The following KICS2 variants were observed in gnomAD, a reference collection of about 807,000 sequenced individuals.
KICS2 encodes KICSTOR subunit 2.
KICS2 carries 13 observed loss-of-function variants against 31.4 expected under a neutral mutation model. That is an observed-to-expected ratio of 0.41 (90% CI 0.27 to 0.66). The LOEUF (loss-of-function observed/expected upper bound fraction) is 0.66, where lower values mean the gene tolerates loss of function less well. Ranked by LOEUF, KICS2 falls within the 30% of genes least tolerant of loss-of-function variation. The pLI, the probability that KICS2 is intolerant of heterozygous loss-of-function variation, is 0.28. For synonymous variants in KICS2, 209 were observed against 214.8 expected (o/e 0.97, Z 0.24); for missense variants, 455 against 545.4 (o/e 0.83, Z 1.65).
rs1592391995 is a variant in KICS2 at position 64,221,886 on chromosome 12, C to T, written c.235+117G>A. 9 of 1,143,714 alleles carry T rather than the reference C, an allele frequency of 7.9e-6. No individual in the cohort carries two copies. In the South Asian group the frequency reaches 9.5e-5, roughly 12 times the overall value. 70.8% of individuals were successfully genotyped at this position (1,143,714 alleles called of 1,614,324 possible). A position where few individuals can be genotyped will look rare whatever the true frequency, so the allele number is the denominator to read the frequency against. ...ACGGTGGGAGGAGATCTGGGAATGCCGAGTCGAGCCTGCGACTAGAAGTGA... is the reference window on the plus strand; with the variant it reads ...ACGGTGGGAGGAGATCTGGGAATGCTGAGTCGAGCCTGCGACTAGAAGTGA... On this transcript the variant is annotated intron_variant, in intron 1 of 2. Coordinates refer to ENST00000398055, the MANE Select transcript of KICS2 (RefSeq NM_152440.5).
downstream of KICS2, among the ~76,000 whole-genome samples, chr12:64,189,230 T>C (rs2037361651): frequency 6.6e-6 from 1 of 152,208 alleles, no homozygotes; most frequent in African/African-American, 2.4e-5. Context: ...CCATATGAAC[T>C]GTACTTCAAG....
In KICS2 at chr12:64,222,272, C is replaced by T. The variant is rs752975694; in HGVS notation, c.-35G>A. On this transcript the variant is annotated 5_prime_UTR_variant, in exon 1 of 3. Transcript: ENST00000398055. ...GCCCCAGCTCGACCCACGTGGCTCT[C>T]CTCGGCCTCGCACTTCCGGGTTCTG... 6.2e-7 allele frequency: 1 copy of T among 1,605,798 alleles called. No homozygotes were observed. The highest frequency in any genetic ancestry group is 8.5e-7 in the Non-Finnish European group (1 of 1,176,300).
At chr12:64,216,896 GA>G (rs2037634340) in intron 1 of KICS2, among the ~76,000 whole-genome samples, 1 of 151,226 alleles carries the variant, frequency 6.6e-6, no homozygotes, top group Non-Finnish European at 1.5e-5. Context: ...AAAATGAAAA[GA>G]AAAAAAGAAA....
chr12:64,217,745 G>A (rs1331361679), intron 1 of KICS2, among the ~76,000 whole-genome samples: 1 of 151,736 alleles, frequency 6.6e-6, no homozygotes, highest in Non-Finnish European at 1.5e-5. Flanking sequence ...AGGCTGCAGC[G>A]AGCCGAAATC....
In KICS2 at chr12:64,191,968, C is replaced by CCCAGGAGGTTGAGGCTGCAGTGA. The variant is rs2037382166; in HGVS notation, c.*1851_*1873dup. ...TGCTGATGTGGGAGGATCACTTGAG[C>CCCAGGAGGTTGAGGCTGCAGTGA]CCAGGAGGTTGAGGCTGCAGTGAGT... is the stretch of plus-strand genomic sequence containing the variant. On this transcript the variant is annotated 3_prime_UTR_variant, in exon 3 of 3. Coordinates refer to ENST00000398055, the MANE Select transcript of KICS2 (RefSeq NM_152440.5). 6.7e-6 allele frequency: 1 copy of CCCAGGAGGTTGAGGCTGCAGTGA among 149,956 alleles called. No homozygotes were observed. Among genetic ancestry groups the CCCAGGAGGTTGAGGCTGCAGTGA allele is most frequent in the African/African-American group, 2.5e-5 (1 of 40,508 alleles). 9.3% of individuals were successfully genotyped at this position (149,956 alleles called of 1,614,324 possible). A position where few individuals can be genotyped will look rare whatever the true frequency, so the allele number is the denominator to read the frequency against.
intron 2 of KICS2, among the ~76,000 whole-genome samples, chr12:64,207,131 C>CCAT (rs2037546036): frequency 1.3e-5 from 2 of 151,262 alleles, no homozygotes; most frequent in Non-Finnish European, 2.9e-5. Context: ...ACGGCAAAAC[C>CCAT]CCATCTCTAC....
In KICS2 at chr12:64,193,436, A is replaced by C; in HGVS notation, c.*406T>G. ...TTCTTAATTCTAAAAAGGCCATTTA[A>C]TATCTCATCCCTATTACTCTTCCAA... On this transcript the variant is annotated 3_prime_UTR_variant, in exon 3 of 3. Coordinates refer to ENST00000398055, the MANE Select transcript of KICS2 (RefSeq NM_152440.5). 1 of 992,320 alleles carries C rather than the reference A, an allele frequency of 1.0e-6. No homozygotes were observed. The highest frequency in any genetic ancestry group is 1.2e-6 in the Non-Finnish European group (1 of 834,718). The allele number at this position is 992,320 out of a possible 1,614,324, so 61.5% of individuals were successfully genotyped here. A position where few individuals can be genotyped will look rare whatever the true frequency, so the allele number is the denominator to read the frequency against.
At chr12:64,194,967 T>C (rs1280232080) in intron 2 of KICS2, among the ~76,000 whole-genome samples, 3 of 151,216 alleles carry the variant, frequency 2.0e-5, no homozygotes. Context: ...TATTTTAGAC[T>C]GGTTCTTGCT....
At position 64,192,601 on chromosome 12, in the gene KICS2, C is replaced by T. The variant is rs951200521; in HGVS notation, c.*1241G>A. 4.1e-6 allele frequency: 4 copies of T among 985,190 alleles called. No homozygotes were observed. In the East Asian group the frequency reaches 4.5e-4, roughly 112 times the overall value. 61.0% of individuals were successfully genotyped at this position (985,190 alleles called of 1,614,324 possible). A position where few individuals can be genotyped will look rare whatever the true frequency, so the allele number is the denominator to read the frequency against. Reference sequence around the variant, plus strand: ...ACGAATATGACCATTACATTTCACACAAGCTTCAAAGGAACCATCAAACCA... The same window carrying T: ...ACGAATATGACCATTACATTTCACATAAGCTTCAAAGGAACCATCAAACCA... On this transcript the variant is annotated 3_prime_UTR_variant, in exon 3 of 3. Transcript: ENST00000398055.
chr12:64,194,716 C>T (rs1459468114), intron 2 of KICS2, 58 bp from the exon 3 acceptor site: 2 of 1,511,646 alleles, frequency 1.3e-6, no homozygotes, highest in Middle Eastern at 2.0e-4. Flanking sequence ...GCCACACTGA[C>T]ATTTTTCTAA....
At chr12:64,201,229 G>T (rs1336295816) in intron 2 of KICS2, among the ~76,000 whole-genome samples, 2 of 143,794 alleles carry the variant, frequency 1.4e-5, no homozygotes, top group East Asian at 4.1e-4. Context: ...TGATAGACTG[G>T]ATTAAGAAAA....
intron 2 of KICS2, among the ~76,000 whole-genome samples, chr12:64,206,131 G>C (rs1347332991): frequency 6.6e-6 from 1 of 152,082 alleles, no homozygotes; most frequent in Non-Finnish European, 1.5e-5. Flanking sequence ...TGTTTCCCAG[G>C]GTGGTCTTGA....
intron 2 of KICS2, among the ~76,000 whole-genome samples, chr12:64,207,032 G>A (rs942525407): frequency 1.4e-4 from 21 of 151,948 alleles, no homozygotes; most frequent in African/African-American, 4.8e-4. Flanking sequence ...TTTGCTGGGG[G>A]CGGTGGCTAT....
chr12:64,203,593 C>T (rs888695329), intron 2 of KICS2, among the ~76,000 whole-genome samples: 1 of 151,820 alleles, frequency 6.6e-6, no homozygotes, highest in Non-Finnish European at 1.5e-5. Flanking sequence ...GTTAATGAAA[C>T]GGACGCTTCT....
chr12:64,221,950 A>G (rs2136711675), intron 1 of KICS2, 53 bp downstream of exon 1: 4 of 1,528,280 alleles, frequency 2.6e-6, no homozygotes, highest in Non-Finnish European at 3.5e-6. Flanking sequence ...CGACTGGGGA[A>G]TATACCCCCT....
chr12:64,216,597 A>C (rs1592389471), intron 1 of KICS2, among the ~76,000 whole-genome samples: 1 of 152,198 alleles, frequency 6.6e-6, no homozygotes, highest in South Asian at 2.1e-4. Flanking sequence ...CACTCTTGAC[A>C]AGGTTGACAC....
intron 2 of KICS2, among the ~76,000 whole-genome samples, chr12:64,207,261 G>T (rs2037547414): frequency 7.3e-6 from 1 of 137,654 alleles, no homozygotes; most frequent in African/African-American, 2.8e-5. Context: ...CTGGGATCAG[G>T]CCACTGCATT....
intron 2 of KICS2, among the ~76,000 whole-genome samples, chr12:64,208,754 G>C (rs1025031573): frequency 1.3e-5 from 2 of 151,636 alleles, no homozygotes; most frequent in Non-Finnish European, 2.9e-5. Context: ...TTAAATTCTA[G>C]CTATAAAATT....
chr12:64,210,075 A>C (rs2037570229), intron 2 of KICS2, among the ~76,000 whole-genome samples: 1 of 152,232 alleles, frequency 6.6e-6, no homozygotes, highest in Admixed American at 6.5e-5. Context: ...GGGCAAAATC[A>C]TGTTAGTTGA....
Sources: allele counts gnomAD v4.1 joint callset (sites outside exome capture counted in the v4.1 genomes callset), GRCh38; gene constraint gnomAD v4.1.1; transcripts MANE v1.5; gene names NCBI Gene and HGNC (gene_info 2026-07-23, HGNC 2026-07-21).